MYO7A: variants seen among roughly 807,000 people sequenced by gnomAD.
MYO7A encodes the protein myosin VIIA.
A neutral mutation model predicts 263.8 loss-of-function variants in MYO7A; 210 were observed. The observed-to-expected ratio is 0.80, with a 90% CI of 0.71 to 0.89. MYO7A has a LOEUF of 0.89. MYO7A is among the 40% of genes least tolerant of loss of function. MYO7A has a pLI of 0.00. For missense variants in MYO7A, 2,820 were observed against 2,968.3 expected (o/e 0.95, Z 1.16); for synonymous variants, 1,239 against 1,197.3 (o/e 1.03, Z -0.72).
At chr11:77,141,137 T>C (rs1264607792) in intron 2 of MYO7A, among the ~76,000 whole-genome samples, 4 of 152,246 alleles carry the variant, frequency 2.6e-5, no homozygotes, top group African/African-American at 9.6e-5. Flanking sequence ...TGTAGTGGGC[T>C]GTACCATCTA....
At chr11:77,198,472 T>C (rs1327604239) in intron 33 of MYO7A, 23 bp from the exon 34 acceptor site, 10 of 1,610,622 alleles carry the variant, frequency 6.2e-6, no homozygotes, top group Admixed American at 1.7e-5. Context: ...GGCCTGCCTC[T>C]CAGTGCCTTG....
Position 77,213,962 on chromosome 11 carries a change from C to T in MYO7A, c.6541C>T (p.Leu2181Phe). 1.9e-6 allele frequency: 3 copies of T among 1,614,072 alleles called. No homozygotes were observed. The highest frequency in any genetic ancestry group is 2.5e-6 in the Non-Finnish European group (3 of 1,179,906). ...GAACTTGGTGCGCGGGAGCAAACTG[C>T]TCTGCGAGACGTCACTGGTGAGGGC... ...IGNLVRGSKL[L>F]CETSLGYKMD... Residue 2181 changes from leucine (L) to phenylalanine (F), a missense_variant, in exon 48 of 49, where the codon CTC (leucine) becomes TTC (phenylalanine). Transcript: ENST00000409709.
intron 4 of MYO7A, among the ~76,000 whole-genome samples, chr11:77,152,950 G>A (rs1238497793): frequency 6.6e-6 from 1 of 152,176 alleles, no homozygotes; most frequent in African/African-American, 2.4e-5. Flanking sequence ...TCATATGAAT[G>A]GAGCCTCTTG....
intron 14 of MYO7A, among the ~76,000 whole-genome samples, chr11:77,163,219 G>A (rs569520336): frequency 9.2e-5 from 14 of 152,014 alleles, no homozygotes; most frequent in South Asian, 8.3e-4. Context: ...CTTTCTCACC[G>A]CCCCAAACAG....
chr11:77,160,903 G>T (rs2135286247), intron 11 of MYO7A, 70 bp from the exon 12 acceptor site: 1 of 1,534,508 alleles, frequency 6.5e-7, no homozygotes, highest in Non-Finnish European at 8.8e-7. Context: ...CACCACGAAG[G>T]GTCCAGGAGC....
In MYO7A at chr11:77,213,952, G is replaced by A. The variant is rs767776549; in HGVS notation, c.6531G>A (p.Gly2177=). Reference sequence around the variant, plus strand: ...TCACCATTGGGAACTTGGTGCGCGGGAGCAAACTGCTCTGCGAGACGTCAC... The same window carrying A: ...TCACCATTGGGAACTTGGTGCGCGGAAGCAAACTGCTCTGCGAGACGTCAC... ...FHITIGNLVR[G]SKLLCETSLG... is the part of the protein sequence containing the mutation. The change falls in exon 48 of 49, where the codon GGG becomes GGA. Residue 2177 remains glycine, a synonymous_variant. Transcript: ENST00000409709. The A allele has an allele frequency of 6.2e-7, 1 of 1,614,068 alleles. No individual in the cohort carries two copies. Among genetic ancestry groups the A allele is most frequent in the Non-Finnish European group, 8.5e-7 (1 of 1,179,908 alleles).
intron 7 of MYO7A, 74 bp from the exon 8 acceptor site, chr11:77,157,205 C>A: frequency 7.2e-7 from 1 of 1,387,440 alleles, no homozygotes; most frequent in Non-Finnish European, 1.0e-6. Context: ...AGTAAACCAT[C>A]ATCCCAGGCT....
At chr11:77,176,117 C>G (rs1555079951) in intron 18 of MYO7A, among the ~76,000 whole-genome samples, 1 of 152,206 alleles carries the variant, frequency 6.6e-6, no homozygotes, top group African/African-American at 2.4e-5. Context: ...TCTGGCTGTC[C>G]CGGATGACAG....
rs1398868092 is a variant in MYO7A at position 77,180,359 on chromosome 11, G to A, written c.2587-15G>A. 1.2e-6 allele frequency: 2 copies of A among 1,608,042 alleles called. No homozygotes were observed. The highest frequency in any genetic ancestry group is 1.7e-6 in the Non-Finnish European group (2 of 1,176,814). ...ACACACATTTCCATGCCCTCTGGAT[G>A]CCCCCTTCCCTCAGTATCTGTGGCG... is the stretch of plus-strand genomic sequence containing the variant. On this transcript the variant is annotated splice_polypyrimidine_tract_variant and intron_variant, in intron 21 of 48. Transcript: ENST00000409709.
At chr11:77,208,212 C>T (rs1957592524) in intron 42 of MYO7A, among the ~76,000 whole-genome samples, 1 of 152,194 alleles carries the variant, frequency 6.6e-6, no homozygotes, top group Admixed American at 6.5e-5. Flanking sequence ...GTGTCCCAGG[C>T]ACTGAATGGA....
intron 9 of MYO7A, among the ~76,000 whole-genome samples, chr11:77,158,979 A>G (rs577753500): frequency 6.6e-6 from 1 of 152,334 alleles, no homozygotes; most frequent in Admixed American, 6.5e-5. Context: ...TGCCCAAGGA[A>G]TGAATGATCC....
In MYO7A at chr11:77,199,616, G is replaced by A. The variant is rs751242817; in HGVS notation, c.4650G>A (p.Pro1550=). The A allele has an allele frequency of 5.3e-5, 85 of 1,604,600 alleles. No homozygotes were observed. The highest frequency in any genetic ancestry group is 1.1e-4 in the African/African-American group (8 of 74,830). Residue 1550 remains proline (P), a synonymous_variant, in exon 35 of 49, where the codon CCG becomes CCA. Coordinates refer to ENST00000409709, the MANE Select transcript of MYO7A (RefSeq NM_000260.4). ...APHSGWAGLT[P]AGPCSPCWSC... is the part of the protein sequence containing the mutation. The stretch of plus-strand genomic sequence containing the variant: ...ACTCAGGCTGGGCAGGACTGACCCC[G>A]GCGGGGCCCTGTTCTCCGTGTTGGT...
intron 4 of MYO7A, among the ~76,000 whole-genome samples, chr11:77,154,346 T>C (rs1202051623): frequency 6.6e-6 from 1 of 152,076 alleles, no homozygotes; most frequent in African/African-American, 2.4e-5. Context: ...CTATAGGGGA[T>C]GATGGCTGAG....
In MYO7A at chr11:77,211,830, G is replaced by A. The variant is rs41298759; in HGVS notation, c.6247G>A (p.Ala2083Thr). Residue 2083 changes from alanine to threonine, a missense_variant, in exon 46 of 49, where the codon GCC (alanine) becomes ACC (threonine). Physicochemically the swap from Ala to Thr is moderately conservative, Grantham distance 58 (BLOSUM62 0). Transcript: ENST00000409709. ...CGCCCTGTCCCCATAGTCCATCGTC[G>A]CCTACTTCAACAAGCACGCAGGGAA... ...SPDDWKRSIVAYFNKHAGKSK... is the reference protein window; with the variant it reads ...SPDDWKRSIVTYFNKHAGKSK... 695 of 1,613,770 alleles carry A rather than the reference G, an allele frequency of 4.3e-4. No individual in the cohort carries two copies. The highest frequency in any genetic ancestry group is 1.3e-3 in the South Asian group (118 of 91,072).
At position 77,181,996 on chromosome 11, in the gene MYO7A, G is replaced by C. The variant is rs782127057; in HGVS notation, c.2950G>C (p.Ala984Pro). The change falls in exon 24 of 49, where the codon GCA becomes CCA. Residue 984 changes from alanine (A) to proline (P), a missense_variant. Coordinates refer to ENST00000409709, the MANE Select transcript of MYO7A (RefSeq NM_000260.4). ...GGAGATGGTGGAGGAGGACCTGGATGCAGCCCTGCCCCTGCCTGACGAGGA... is the reference window on the plus strand; with the variant it reads ...GGAGATGGTGGAGGAGGACCTGGATCCAGCCCTGCCCCTGCCTGACGAGGA... The part of the protein sequence containing the change: ...RREMVEEDLD[A>P]ALPLPDEDEE... The C allele has an allele frequency of 1.2e-6, 2 of 1,613,354 alleles. No homozygotes were observed. The highest frequency in any genetic ancestry group is 3.3e-5 in the Admixed American group (2 of 60,000).
At chr11:77,170,487 G>A (rs1953987648) in intron 15 of MYO7A, among the ~76,000 whole-genome samples, 1 of 152,184 alleles carries the variant, frequency 6.6e-6, no homozygotes, top group Admixed American at 6.5e-5. Flanking sequence ...GTGCCTTCAT[G>A]CGAGTGAATC....
intron 3 of MYO7A, 83 bp downstream of exon 3, chr11:77,142,905 G>T: frequency 8.6e-7 from 1 of 1,160,088 alleles, no homozygotes; most frequent in Non-Finnish European, 1.3e-6. Context: ...GGAGATGATC[G>T]AAAGGAGATG....
chr11:77,158,194 C>T (rs1952674111), intron 8 of MYO7A, 83 bp from the exon 9 acceptor site: 1 of 1,433,808 alleles, frequency 7.0e-7, no homozygotes. Context: ...CAGAAAGGGC[C>T]TTTTGGGCAG....
intron 2 of MYO7A, among the ~76,000 whole-genome samples, chr11:77,140,547 C>T (rs1045042898): frequency 1.3e-5 from 2 of 152,244 alleles, no homozygotes; most frequent in Non-Finnish European, 2.9e-5. Context: ...TTCTCTCTCA[C>T]CGAGGCCCGC....
Sources: allele counts gnomAD v4.1 joint callset (sites outside exome capture counted in the v4.1 genomes callset), GRCh38; gene constraint gnomAD v4.1.1; transcripts MANE v1.5; gene names NCBI Gene and HGNC (gene_info 2026-07-23, HGNC 2026-07-21).